The following FLVCR2 variants were observed in gnomAD, a reference collection of about 807,000 sequenced individuals.
FLVCR2 encodes the protein choline/ethanolamine transporter FLVCR2.
Under a neutral mutation model 48.9 loss-of-function variants are expected in FLVCR2, and 38 were observed. That is an observed-to-expected ratio of 0.78 (90% CI 0.60 to 1.02). The LOEUF (loss-of-function observed/expected upper bound fraction) is 1.02, where lower values mean the gene tolerates loss of function less well. Ranked by LOEUF, FLVCR2 falls within the 50% of genes least tolerant of loss-of-function variation. The pLI is 0.00. For synonymous variants in FLVCR2, 255 were observed against 257.0 expected (o/e 0.99, Z 0.07); for missense variants, 664 against 663.3 (o/e 1.00, Z -0.01).
At chr14:75,633,796 G>A in intron 4 of FLVCR2, 100 bp downstream of exon 4, 1 of 907,180 alleles carries the variant, frequency 1.1e-6, no homozygotes, top group East Asian at 2.4e-5. Flanking sequence ...ATTCCCCCCA[G>A]TTCTAGGTAG....
intron 9 of FLVCR2, 182 bp downstream of exon 9, chr14:75,642,080 G>A (rs12323563): frequency 1.4e-5 from 9 of 629,770 alleles, no homozygotes; most frequent in African/African-American, 1.8e-5. Context: ...TTGGCATTGC[G>A]TTCTTGCTAC....
At position 75,622,061 on chromosome 14, in the gene FLVCR2, T is replaced by G; in HGVS notation, c.670-18T>G. On this transcript the variant is annotated intron_variant, in intron 1 of 9. Transcript: ENST00000238667. Reference sequence around the variant, plus strand: ...TGGCCATTGGTAACTGTGATTGGGTTGTCTCTGTCTTCTATAGCTTGGAAT... The same window carrying G: ...TGGCCATTGGTAACTGTGATTGGGTGGTCTCTGTCTTCTATAGCTTGGAAT... 1 of 1,614,150 alleles carries G rather than the reference T, an allele frequency of 6.2e-7. No homozygotes were observed. The highest frequency in any genetic ancestry group is 8.5e-7 in the Non-Finnish European group (1 of 1,179,972).
At chr14:75,589,550 A>G (rs575911783) in intron 1 of FLVCR2, among the ~76,000 whole-genome samples, 11 of 152,256 alleles carry the variant, frequency 7.2e-5, no homozygotes, top group African/African-American at 2.6e-4. Context: ...CTCTCAGGCC[A>G]GTGTTGCACA....
At chr14:75,587,728 T>C (rs1157267601) in intron 1 of FLVCR2, among the ~76,000 whole-genome samples, 2 of 152,202 alleles carry the variant, frequency 1.3e-5, no homozygotes, top group African/African-American at 2.4e-5. Flanking sequence ...TATGCACACA[T>C]TGTTACTGTG....
intron 3 of FLVCR2, among the ~76,000 whole-genome samples, chr14:75,626,962 A>G (rs1889914673): frequency 6.6e-6 from 1 of 151,966 alleles, no homozygotes; most frequent in African/African-American, 2.4e-5. Context: ...TAACTGGGCA[A>G]TGGTCCCATT....
chr14:75,595,020 A>G (rs1431434021), intron 1 of FLVCR2, among the ~76,000 whole-genome samples: 1 of 152,112 alleles, frequency 6.6e-6, no homozygotes, highest in Non-Finnish European at 1.5e-5. Context: ...ACCTAGCCAC[A>G]TTATCACCTC....
At chr14:75,645,033 G>GGGGTGT (rs1433999747) in intron 9 of FLVCR2, among the ~76,000 whole-genome samples, 1,719 of 13,002 alleles carry the variant, frequency 0.13, 45 homozygotes, top group African/African-American at 0.22. Flanking sequence ...AGGCGGGCGT[G>GGGGTGT]GTGTGTGTGT....
chr14:75,628,163 G>A (rs1889954386), intron 3 of FLVCR2, among the ~76,000 whole-genome samples: 2 of 152,084 alleles, frequency 1.3e-5, no homozygotes, highest in Admixed American at 1.3e-4. Context: ...CGCCCAAGCT[G>A]GAGTGCAGTG....
chr14:75,583,562 T>A (rs1355419646), intron 1 of FLVCR2, among the ~76,000 whole-genome samples: 1 of 152,020 alleles, frequency 6.6e-6, no homozygotes, highest in Non-Finnish European at 1.5e-5. Flanking sequence ...AAGGAGGCTT[T>A]GAACTGGGGA....
chr14:75,634,265 A>G (rs1890110540), intron 4 of FLVCR2, among the ~76,000 whole-genome samples: 1 of 152,076 alleles, frequency 6.6e-6, no homozygotes, highest in Admixed American at 6.6e-5. Flanking sequence ...TAAGTGTCCT[A>G]GTTTTGGAGT....
intron 1 of FLVCR2, among the ~76,000 whole-genome samples, chr14:75,609,158 A>G (rs1835513784): frequency 6.6e-6 from 1 of 151,994 alleles, no homozygotes; most frequent in African/African-American, 2.4e-5. Flanking sequence ...AACAACAAAC[A>G]TTTTCACAGC....
At chr14:75,634,085 C>G (rs1436753444) in intron 4 of FLVCR2, among the ~76,000 whole-genome samples, 1 of 151,994 alleles carries the variant, frequency 6.6e-6, no homozygotes, top group Non-Finnish European at 1.5e-5. Context: ...ACACTGTTGG[C>G]AAATATATAT....
At chr14:75,581,676 C>T (rs1004944741) in intron 1 of FLVCR2, among the ~76,000 whole-genome samples, 1 of 152,182 alleles carries the variant, frequency 6.6e-6, no homozygotes, top group Non-Finnish European at 1.5e-5. Context: ...CTACCCAGAC[C>T]AAGAGGTATT....
intron 1 of FLVCR2, among the ~76,000 whole-genome samples, chr14:75,609,939 C>T (rs1471899138): frequency 6.6e-6 from 1 of 152,128 alleles, no homozygotes; most frequent in East Asian, 1.9e-4. Flanking sequence ...ATGCAGAAGA[C>T]CGGAGAATCC....
chr14:75,605,554 C>T (rs758795651), intron 1 of FLVCR2: 18 of 1,535,936 alleles, frequency 1.2e-5, no homozygotes, highest in African/African-American at 2.7e-5. Flanking sequence ...CAATTCAAGA[C>T]GCAGCCTTGT....
At chr14:75,640,562 G>A (rs181759023) in intron 6 of FLVCR2, among the ~76,000 whole-genome samples, 404 of 152,284 alleles carry the variant, frequency 2.7e-3, no homozygotes, top group Non-Finnish European at 3.1e-3. Flanking sequence ...AGAGAGCCAC[G>A]GAGATCCTGC....
intron 1 of FLVCR2, among the ~76,000 whole-genome samples, chr14:75,617,673 G>A (rs1015527815): frequency 5.3e-5 from 8 of 152,166 alleles, no homozygotes; most frequent in African/African-American, 1.9e-4. Flanking sequence ...TGAGGCTTGA[G>A]ATACTCTGCA....
intron 9 of FLVCR2, 58 bp downstream of exon 9, chr14:75,641,956 T>C: frequency 2.0e-6 from 3 of 1,478,790 alleles, no homozygotes; most frequent in Admixed American, 1.7e-5. Context: ...TTGATGAGGA[T>C]GTGGCAACAT....
At chr14:75,588,088 A>C (rs998448432) in intron 1 of FLVCR2, among the ~76,000 whole-genome samples, 26 of 152,188 alleles carry the variant, frequency 1.7e-4, no homozygotes, top group African/African-American at 5.3e-4. Context: ...TAAAGATGTA[A>C]ATTTTTTTTA....
Sources: gnomAD v4.1 joint callset for allele counts (sites outside exome capture counted in the v4.1 genomes callset) on GRCh38, gnomAD v4.1.1 for gene constraint, MANE v1.5 for transcripts, NCBI Gene and HGNC (gene_info 2026-07-23, HGNC 2026-07-21) for gene names.